Variants in PAQR5 observed in about 807,000 individuals in gnomAD.
PAQR5 encodes the protein progestin and adipoQ receptor family member 5.
Under a neutral mutation model 34.5 loss-of-function variants are expected in PAQR5, and 20 were observed. That is an observed-to-expected ratio of 0.58 (90% CI 0.41 to 0.84). The LOEUF is 0.84. Among genes scored for constraint, PAQR5 ranks in the 40% least tolerant of loss-of-function variants. PAQR5 has a pLI of 0.00. For missense variants in PAQR5, 378 were observed against 412.7 expected (o/e 0.92, Z 0.73); for synonymous variants, 131 against 155.6 (o/e 0.84, Z 1.18).
At chr15:69,386,573 C>T (rs1378975959) in intron 5 of PAQR5, among the ~76,000 whole-genome samples, 2 of 151,918 alleles carry the variant, frequency 1.3e-5, no homozygotes, top group Non-Finnish European at 2.9e-5. Flanking sequence ...ACATCCCTCC[C>T]TCCCTCCCGG....
At chr15:69,322,725 GA>G (rs1333408055) in intron 1 of PAQR5, among the ~76,000 whole-genome samples, 1,880 of 29,378 alleles carry the variant, frequency 0.064, 375 homozygotes, top group Non-Finnish European at 0.097. Context: ...AGAAGAAGAA[GA>G]AGAAGAAGAA....
At chr15:69,322,755 GA>G (rs2054139727) in intron 1 of PAQR5, among the ~76,000 whole-genome samples, 2 of 44,564 alleles carry the variant, frequency 4.5e-5, no homozygotes, top group East Asian at 8.1e-4. Context: ...AGAAGAAGAA[GA>G]AGAAGAAGAA....
chr15:69,301,004 T>TTTCTTTC lies in PAQR5; in HGVS notation c.-277+1958_-277+1964dup, dbSNP rs1196946067. Among the ~76,000 whole-genome samples the TTTCTTTC allele has an allele frequency of 6.1e-4, 79 of 129,472 alleles. 1 individual carries two copies. The highest frequency in any genetic ancestry group is 2.2e-3 in the African/African-American group (74 of 33,672). The allele number at this position is 129,472 out of a possible 152,430, so 84.9% of individuals were successfully genotyped here. A position where few individuals can be genotyped will look rare whatever the true frequency, so the allele number is the denominator to read the frequency against. ...CTTTCTTTCTTTCTTTCTTTCTTTCTTTCTTTCTTCTTTCTTTTTGACTGA... is the reference window on the plus strand; with the variant it reads ...CTTTCTTTCTTTCTTTCTTTCTTTCTTTCTTTCTTCTTTCTTCTTTCTTTTTGACTGA... On this transcript the variant is annotated intron_variant, in intron 1 of 8. Coordinates refer to ENST00000395407, the MANE Select transcript of PAQR5 (RefSeq NM_017705.4).
chr15:69,395,635 A>G (rs1018503013), intron 6 of PAQR5, among the ~76,000 whole-genome samples: 1 of 152,172 alleles, frequency 6.6e-6, no homozygotes, highest in Non-Finnish European at 1.5e-5. Context: ...GAGGATCAGG[A>G]GGTACACAAA....
intron 6 of PAQR5, among the ~76,000 whole-genome samples, chr15:69,394,698 C>G (rs1177124523): frequency 2.0e-5 from 3 of 152,184 alleles, no homozygotes; most frequent in African/African-American, 7.2e-5. Flanking sequence ...GCGGGACTGC[C>G]CTAAGCCCGA....
chr15:69,381,556 A>AT (rs2055884464), intron 4 of PAQR5, among the ~76,000 whole-genome samples: 1 of 152,062 alleles, frequency 6.6e-6, no homozygotes, highest in South Asian at 2.1e-4. Flanking sequence ...CTGTAGGGTG[A>AT]TTTTTTGCTA....
At chr15:69,397,586 T>A in intron 7 of PAQR5, 22 bp downstream of exon 7, 1 of 1,463,290 alleles carries the variant, frequency 6.8e-7, no homozygotes, top group Non-Finnish European at 9.6e-7. Flanking sequence ...CTGCATCTCC[T>A]CTCTGCCTGT....
At chr15:69,368,494 G>C (rs1005330309) in intron 3 of PAQR5, among the ~76,000 whole-genome samples, 3 of 152,254 alleles carry the variant, frequency 2.0e-5, no homozygotes, top group African/African-American at 7.2e-5. Flanking sequence ...TCTTGGATCT[G>C]AAAACTGATG....
intron 4 of PAQR5, among the ~76,000 whole-genome samples, chr15:69,383,601 T>G (rs1448040851): frequency 8.3e-6 from 1 of 120,052 alleles, no homozygotes; most frequent in Non-Finnish European, 1.7e-5. Flanking sequence ...GGAGGGTGAG[T>G]GGGCCTTTGT....
At chr15:69,310,987 C>T (rs150749342) in intron 1 of PAQR5, among the ~76,000 whole-genome samples, 3,909 of 133,566 alleles carry the variant, frequency 0.029, 149 homozygotes, top group Admixed American at 0.1. Flanking sequence ...TGCAGTGAGC[C>T]GAGATCGCGC....
At position 69,403,773 on chromosome 15, in the gene PAQR5, C is replaced by G; in HGVS notation, c.944C>G (p.Ala315Gly). The G allele has an allele frequency of 6.2e-7, 1 of 1,613,744 alleles. No homozygotes were observed. The change falls in exon 9 of 9, where the codon GCT (alanine) becomes GGT (glycine). Residue 315 changes from alanine to glycine, a missense_variant. Physicochemically the swap from Ala to Gly is moderately conservative, Grantham distance 60. Transcript: ENST00000395407. ...FSLSNIIYFS[A>G]ALYRIPKPEL... ...CTCAGCAACATAATTTATTTCTCAG[C>G]TGCTCTGTATCGGATTCCCAAGCCA...
chr15:69,334,887 T>C (rs1184967617), intron 1 of PAQR5, among the ~76,000 whole-genome samples: 2 of 152,180 alleles, frequency 1.3e-5, no homozygotes, highest in African/African-American at 4.8e-5. Flanking sequence ...AAAGGGTTGA[T>C]CTTGTAACAA....
Position 69,389,672 on chromosome 15 carries a change from C to G in PAQR5, c.404C>G (p.Ser135Cys). Reference protein sequence around the residue: ...LFSLGSAIAYSAYTFPDALMC... With the variant: ...LFSLGSAIAYCAYTFPDALMC... ...TCCCCAGGCTCAGCCATTGCCTACT[C>G]TGCATACACGTTCCCGGATGCGCTC... Residue 135 changes from serine to cysteine, a missense_variant, in exon 6 of 9, where the codon TCT (serine) becomes TGT (cysteine). Ser to Cys is a moderately radical substitution (Grantham distance 112). Coordinates refer to ENST00000395407, the MANE Select transcript of PAQR5 (RefSeq NM_017705.4). The G allele has an allele frequency of 6.2e-7, 1 of 1,614,218 alleles. No individual in the cohort carries two copies. The highest frequency in any genetic ancestry group is 8.5e-7 in the Non-Finnish European group (1 of 1,180,020).
chr15:69,374,310 G>A (rs1194330397), intron 3 of PAQR5, among the ~76,000 whole-genome samples: 7 of 152,318 alleles, frequency 4.6e-5, no homozygotes, highest in Admixed American at 4.6e-4. Flanking sequence ...GCATGGTCCT[G>A]CAAGGGATGT....
At chr15:69,386,275 C>T (rs1303741557) in intron 5 of PAQR5, among the ~76,000 whole-genome samples, 3 of 151,310 alleles carry the variant, frequency 2.0e-5, no homozygotes, top group African/African-American at 7.3e-5. Context: ...ACACCACATA[C>T]ATACACACAC....
At chr15:69,397,942 G>C in intron 7 of PAQR5, 1 of 228,942 alleles carries the variant, frequency 4.4e-6, no homozygotes, top group Admixed American at 5.1e-5. Flanking sequence ...CAATATGACT[G>C]GGGGCTCGGG....
chr15:69,376,227 T>C (rs953492855), intron 3 of PAQR5, among the ~76,000 whole-genome samples: 1 of 152,188 alleles, frequency 6.6e-6, no homozygotes, highest in African/African-American at 2.4e-5. Flanking sequence ...ACCTGCTTAC[T>C]TGGGGGTGCT....
At chr15:69,325,770 C>T (rs1208404452) in intron 1 of PAQR5, among the ~76,000 whole-genome samples, 1 of 152,154 alleles carries the variant, frequency 6.6e-6, no homozygotes, top group East Asian at 1.9e-4. Context: ...AACACGTGAC[C>T]CCTCCTGTCT....
chr15:69,335,172 C>T (rs1283376147), intron 1 of PAQR5, among the ~76,000 whole-genome samples: 1 of 146,432 alleles, frequency 6.8e-6, no homozygotes. Context: ...TGTAGTGAGT[C>T]AAGATTGTGC....
Sources: allele counts gnomAD v4.1 joint callset (sites outside exome capture counted in the v4.1 genomes callset), GRCh38; gene constraint gnomAD v4.1.1; transcripts MANE v1.5; gene names NCBI Gene and HGNC (gene_info 2026-07-23, HGNC 2026-07-21).